The following PLEKHA6 variants were observed in gnomAD, a reference collection of about 807,000 sequenced individuals.
PLEKHA6 encodes the protein pleckstrin homology domain-containing family A member 6.
Under a neutral mutation model 116.7 loss-of-function variants are expected in PLEKHA6, and 60 were observed. The ratio of observed to expected loss-of-function variants is 0.51; its 90% CI spans 0.42 to 0.64. The LOEUF (loss-of-function observed/expected upper bound fraction) is 0.64. Among genes scored for constraint, PLEKHA6 ranks in the 30% least tolerant of loss-of-function variants. The pLI, the probability that PLEKHA6 is intolerant of heterozygous loss-of-function variation, is 0.00. For synonymous variants in PLEKHA6, 489 were observed against 556.1 expected (o/e 0.88, Z 1.70); for missense variants, 1,338 against 1,422.7 (o/e 0.94, Z 0.96).
chr1:204,372,924 T>C (rs2103417925), intron 1 of PLEKHA6, among the ~76,000 whole-genome samples: 1 of 152,062 alleles, frequency 6.6e-6, no homozygotes, highest in East Asian at 1.9e-4. Context: ...TTTTTTTTTT[T>C]TTTTTGACGG....
At chr1:204,351,036 A>C (rs1673261958) in intron 1 of PLEKHA6, among the ~76,000 whole-genome samples, 1 of 152,148 alleles carries the variant, frequency 6.6e-6, no homozygotes, top group African/African-American at 2.4e-5. Context: ...TCCGAACGCC[A>C]GCTAACCGGT....
At position 204,228,601 on chromosome 1, in the gene PLEKHA6, G is replaced by A. The variant is rs1660712959; in HGVS notation, c.2885+127C>T. Reference sequence around the variant, plus strand: ...TGCCGGTAGCTGGGCCCTGTCTGCTGCCTGGAGTCACCACCTCGATGTGCT... The same window carrying A: ...TGCCGGTAGCTGGGCCCTGTCTGCTACCTGGAGTCACCACCTCGATGTGCT... On this transcript the variant is annotated intron_variant, in intron 20 of 22. Transcript: ENST00000272203. This position sits in a 1 kb window ranked among gnomAD's most constrained non-coding sequence, Gnocchi z 4.0. 1.2e-6 allele frequency: 1 copy of A among 847,318 alleles called. No homozygotes were observed. The highest frequency in any genetic ancestry group is 1.9e-6 in the Non-Finnish European group (1 of 519,928). The allele number at this position is 847,318 out of a possible 1,614,324, so 52.5% of individuals were successfully genotyped here.
intron 1 of PLEKHA6, among the ~76,000 whole-genome samples, chr1:204,279,989 T>G (rs575423460): frequency 2.6e-5 from 4 of 152,274 alleles, no homozygotes; most frequent in Admixed American, 2.0e-4. Context: ...ATATGCCAGA[T>G]GAAGGAGCGA....
chr1:204,285,223 T>C lies in PLEKHA6; in HGVS notation c.-94-10414A>G, dbSNP rs544452093. Among the ~76,000 whole-genome samples the C allele has an allele frequency of 2.6e-5, 4 of 152,342 alleles. No individual in the cohort carries two copies. The South Asian group carries it at 8.3e-4, about 32-fold the overall frequency. On this transcript the variant is annotated intron_variant, in intron 1 of 22. Coordinates refer to ENST00000272203, the MANE Select transcript of PLEKHA6 (RefSeq NM_014935.5). ...TTCCAGTTCTAATAGTTTTGAATTC[T>C]ATGAAATGCAATTCTAAGCCAGTGT...
chr1:204,298,825 A>G (rs573324953), intron 1 of PLEKHA6, among the ~76,000 whole-genome samples: 18 of 152,330 alleles, frequency 1.2e-4, no homozygotes, highest in South Asian at 8.3e-4. Context: ...ATGGGAACAG[A>G]GATGGAGAGA....
chr1:204,278,185 C>T (rs1020808458), intron 1 of PLEKHA6, among the ~76,000 whole-genome samples: 6 of 152,198 alleles, frequency 3.9e-5, no homozygotes, highest in African/African-American at 1.4e-4. Context: ...ACTGCAAGGG[C>T]CTTCCGAAGG....
intron 15 of PLEKHA6, among the ~76,000 whole-genome samples, chr1:204,243,571 C>G (rs1191879044): frequency 2.0e-5 from 3 of 152,120 alleles, no homozygotes; most frequent in Admixed American, 6.6e-5. Context: ...CACCCTTTTG[C>G]TTCCACCCAC....
chr1:204,324,602 T>G (rs1057434311), intron 1 of PLEKHA6, among the ~76,000 whole-genome samples: 3 of 152,140 alleles, frequency 2.0e-5, no homozygotes, highest in African/African-American at 7.2e-5. Flanking sequence ...AAGTCTTATC[T>G]GAGAGGGATA....
chr1:204,232,145 G>C (rs1661277968), intron 17 of PLEKHA6, among the ~76,000 whole-genome samples: 1 of 152,196 alleles, frequency 6.6e-6, no homozygotes, highest in Non-Finnish European at 1.5e-5. Context: ...GTTTTCTACT[G>C]TCGAGTGGAA....
rs4951345 is a variant in PLEKHA6, at chr1:204,272,338, G to A, written c.102+1288C>T. 4.9e-3 allele frequency among the ~76,000 whole-genome samples: 746 copies of A among 151,784 alleles called. 8 individuals are homozygous for A. The highest frequency in any genetic ancestry group is 0.017 in the African/African-American group (700 of 41,348). On this transcript the variant is annotated intron_variant, in intron 3 of 22. Coordinates refer to ENST00000272203, the MANE Select transcript of PLEKHA6 (RefSeq NM_014935.5). ...GTCTCCATAGAAACGTGACTTACTG[G>A]CTGTCCTCTTTCTCCTGAACCTACT...
upstream of PLEKHA6, among the ~76,000 whole-genome samples, chr1:204,363,743 G>C (rs1170977928): frequency 1.3e-5 from 2 of 152,150 alleles, no homozygotes; most frequent in East Asian, 3.9e-4. Flanking sequence ...GATGGGAAAG[G>C]TGGCCCTGTC....
At chr1:204,254,110 G>A (rs1044270645) in intron 9 of PLEKHA6, among the ~76,000 whole-genome samples, 2 of 152,246 alleles carry the variant, frequency 1.3e-5, no homozygotes, top group African/African-American at 4.8e-5. Flanking sequence ...CATGAGCCCT[G>A]CTCCTCACCC....
At chr1:204,311,836 TA>T in intron 1 of PLEKHA6, 1 of 195,370 alleles carries the variant, frequency 5.1e-6, no homozygotes, top group Non-Finnish European at 9.3e-6. Flanking sequence ...ATGCGGGCCC[TA>T]AAATCCTTAA....
At chr1:204,331,718 A>G (rs1426525978) in intron 1 of PLEKHA6, among the ~76,000 whole-genome samples, 1 of 152,182 alleles carries the variant, frequency 6.6e-6, no homozygotes, top group African/African-American at 2.4e-5. Context: ...AAGAGAAAGG[A>G]AAAAGAAAGC....
chr1:204,346,457 T>G (rs1360998312), intron 1 of PLEKHA6, among the ~76,000 whole-genome samples: 1 of 152,082 alleles, frequency 6.6e-6, no homozygotes, highest in Non-Finnish European at 1.5e-5. Flanking sequence ...AAATGAGCCA[T>G]GACCACAGGG....
At position 204,234,111 on chromosome 1, in the gene PLEKHA6, G is replaced by C. The variant is rs73073743; in HGVS notation, c.2410-3525C>G. Among the ~76,000 whole-genome samples the C allele has an allele frequency of 5.1e-3, 773 of 152,280 alleles. 2 individuals are homozygous for C. Among genetic ancestry groups the C allele is most frequent in the Middle Eastern group, 0.014 (4 of 294 alleles). On this transcript the variant is annotated intron_variant, in intron 17 of 22. Transcript: ENST00000272203. ...CAGATGTAATTAAGAATCTCAAGAT[G>C]AGATAATCCTGGATGAGGATGGGCC...
At chr1:204,312,953 C>T (rs1189848446) in intron 1 of PLEKHA6, among the ~76,000 whole-genome samples, 2 of 150,666 alleles carry the variant, frequency 1.3e-5, no homozygotes, top group Non-Finnish European at 3.0e-5. Flanking sequence ...CAGTCTTGAA[C>T]TCCTGGCCTC....
chr1:204,252,569 G>A (rs1404621904), intron 9 of PLEKHA6, among the ~76,000 whole-genome samples: 1 of 152,152 alleles, frequency 6.6e-6, no homozygotes, highest in African/African-American at 2.4e-5. Context: ...GAAAGTGAAT[G>A]AGAAAGGGAG....
chr1:204,346,289 G>C (rs190368188), intron 1 of PLEKHA6, among the ~76,000 whole-genome samples: 80 of 152,146 alleles, frequency 5.3e-4, no homozygotes, highest in African/African-American at 1.8e-3. Context: ...ATTATACCTA[G>C]AGCAGCTGAC....
Sources: allele counts gnomAD v4.1 joint callset (sites outside exome capture counted in the v4.1 genomes callset), GRCh38; gene constraint gnomAD v4.1.1; non-coding constraint Gnocchi (gnomAD v3.1); transcripts MANE v1.5; gene names NCBI Gene and HGNC (gene_info 2026-07-23, HGNC 2026-07-21).